MED19: variants seen among roughly 807,000 people sequenced by gnomAD.
MED19 encodes mediator of RNA polymerase II transcription subunit 19.
A neutral mutation model predicts 19.9 loss-of-function variants in MED19; 4 were observed. The observed-to-expected ratio is 0.20, with a 90% confidence interval of 0.10 to 0.46. The LOEUF (loss-of-function observed/expected upper bound fraction) is 0.46. Ranked by LOEUF, MED19 falls within the 20% of genes least tolerant of loss-of-function variation. The pLI, the probability that MED19 is intolerant of heterozygous loss-of-function variation, is 0.99. For synonymous variants in MED19, 139 were observed against 119.6 expected, an observed-to-expected ratio of 1.16 and a Z score of -1.06; for missense variants, 303 against 318.7, an observed-to-expected ratio of 0.95 and a Z score of 0.38.
chr11:57,703,980 TA>T, exon 5 of MED19: 1 of 1,530,208 alleles, frequency 6.5e-7, no homozygotes, highest in Non-Finnish European at 8.7e-7. Flanking sequence ...AGGCAGCTTT[TA>T]TCAGCAGGTT....
chr11:57,710,311 A>ATGAT (rs1479547234), intron 1 of MED19, among the ~76,000 whole-genome samples: 1 of 152,220 alleles, frequency 6.6e-6, no homozygotes, highest in Non-Finnish European at 1.5e-5. Context: ...ACAGTGAGCT[A>ATGAT]TGATTATACC....
exon 3 of MED19, chr11:57,704,789 A>G: frequency 6.2e-7 from 1 of 1,609,136 alleles, no homozygotes; most frequent in Non-Finnish European, 8.5e-7. Context: ...GAGGCTGAAT[A>G]TGCATCAGAC....
intron 1 of MED19, among the ~76,000 whole-genome samples, chr11:57,710,796 A>G (rs1946568520): frequency 6.6e-6 from 1 of 152,002 alleles, no homozygotes; most frequent in Non-Finnish European, 1.5e-5. Context: ...CCTGTGTTCA[A>G]GCGATTCTCC....
At chr11:57,707,502 A>T (rs907674857) in intron 1 of MED19, among the ~76,000 whole-genome samples, 6 of 152,220 alleles carry the variant, frequency 3.9e-5, no homozygotes, top group Non-Finnish European at 8.8e-5. Context: ...CAGTACACAC[A>T]TTAGGTGCTT....
At chr11:57,704,747 C>T (rs755413585) in exon 3 of MED19, 2 of 1,554,962 alleles carry the variant, frequency 1.3e-6, no homozygotes, top group Admixed American at 1.8e-5. Flanking sequence ...GGGTACGGCT[C>T]TGTTTGTGCT....
chr11:57,711,717 G>C (rs570300680), intron 1 of MED19, among the ~76,000 whole-genome samples: 2 of 152,140 alleles, frequency 1.3e-5, no homozygotes, highest in African/African-American at 4.8e-5. Flanking sequence ...TGGTGCAAAA[G>C]ACAGTAACGG....
At chr11:57,709,380 T>TAA (rs71470285) in intron 1 of MED19, among the ~76,000 whole-genome samples, 24 of 138,242 alleles carry the variant, frequency 1.7e-4, no homozygotes, top group Admixed American at 2.9e-4. Flanking sequence ...AAACTCTGTT[T>TAA]AAAAAAAAAA....
intron 1 of MED19, 36 bp from the exon 2 acceptor site, chr11:57,705,265 C>G (rs17454895): frequency 0.012 from 19,422 of 1,604,486 alleles, 158 homozygotes; most frequent in Non-Finnish European, 0.015. Context: ...AAAGATCAGT[C>G]TTCAAAGTAG....
chr11:57,709,193 C>A (rs547397024), intron 1 of MED19, among the ~76,000 whole-genome samples: 1 of 152,204 alleles, frequency 6.6e-6, no homozygotes, highest in East Asian at 1.9e-4. Flanking sequence ...ATCTGCCTGA[C>A]CAACAGGGAG....
At chr11:57,708,934 A>T (rs2135417944) in intron 1 of MED19, among the ~76,000 whole-genome samples, 1 of 152,338 alleles carries the variant, frequency 6.6e-6, no homozygotes, top group South Asian at 2.1e-4. Context: ...TAAAATGTAG[A>T]CAGTAATGCT....
In MED19 at chr11:57,705,140, C is replaced by A; in HGVS notation, c.307G>T (p.Glu103Ter). ...TCAGGCAGGAAGTTACTTAGCTTCTCCTTCACCTTCTTCCCACAGAATTTA... is the reference window on the plus strand; with the variant it reads ...TCAGGCAGGAAGTTACTTAGCTTCTACTTCACCTTCTTCCCACAGAATTTA... Residue 103 changes from glutamate (E) to a stop codon, truncating the protein, a stop_gained, in exon 2 of 5, where the codon GAG (glutamate) becomes TAG (stop). Coordinates refer to ENST00000431606, the Ensembl canonical transcript of MED19. LOFTEE classifies it high-confidence loss of function. The A allele has an allele frequency of 6.2e-7, 1 of 1,614,142 alleles. No individual in the cohort carries two copies. Among genetic ancestry groups the A allele is most frequent in the South Asian group, 1.1e-5 (1 of 91,080 alleles).
At chr11:57,711,992 C>T in exon 1 of MED19, 2 of 1,501,392 alleles carry the variant, frequency 1.3e-6, no homozygotes, top group Non-Finnish European at 1.8e-6. Flanking sequence ...GTAAAAAGGG[C>T]CACAGCCAGC....
At chr11:57,709,038 T>C (rs1565204731) in intron 1 of MED19, among the ~76,000 whole-genome samples, 1 of 152,206 alleles carries the variant, frequency 6.6e-6, no homozygotes, top group Non-Finnish European at 1.5e-5. Context: ...CCAATATTTG[T>C]TGCTATTTCC....
chr11:57,710,492 A>T (rs1198117393), intron 1 of MED19, among the ~76,000 whole-genome samples: 1 of 152,030 alleles, frequency 6.6e-6, no homozygotes, highest in African/African-American at 2.4e-5. Flanking sequence ...TGTTCACTTC[A>T]CTGGAGTCCA....
intron 1 of MED19, among the ~76,000 whole-genome samples, chr11:57,707,680 C>T (rs1433885774): frequency 6.6e-6 from 1 of 152,186 alleles, no homozygotes; most frequent in Admixed American, 6.5e-5. Context: ...CTGCCTCTTG[C>T]CATTACAATC....
intron 1 of MED19, among the ~76,000 whole-genome samples, chr11:57,706,209 A>G (rs1226183537): frequency 6.6e-6 from 1 of 152,038 alleles, no homozygotes; most frequent in East Asian, 1.9e-4. Context: ...GCAGTGGGGT[A>G]CGATCTTGGC....
chr11:57,712,107 G>A lies in MED19; in HGVS notation c.73C>T (p.Pro25Ser), dbSNP rs751694330. The change falls in exon 1 of 5, where the codon CCA becomes TCA. Residue 25 changes from proline (P) to serine (S), a missense_variant. Pro to Ser is a moderately conservative substitution (Grantham distance 74). Transcript: ENST00000431606. Reference sequence around the variant, plus strand: ...GGTGGCGGGGGTGGAGGCTTTCCTGGTCCGAAGCCGAGTGCGGTTGGGGGC... The same window carrying A: ...GGTGGCGGGGGTGGAGGCTTTCCTGATCCGAAGCCGAGTGCGGTTGGGGGC... The A allele has an allele frequency of 2.5e-5, 38 of 1,526,814 alleles. No homozygotes were observed. In the Admixed American group the frequency reaches 3.8e-4, roughly 15 times the overall value. 94.6% of individuals were successfully genotyped at this position (1,526,814 alleles called of 1,614,324 possible). A position where few individuals can be genotyped will look rare whatever the true frequency, so the allele number is the denominator to read the frequency against.
chr11:57,704,669 GTTTTTTTTTTTTTTT>G, intron 3 of MED19, 35 bp downstream of exon 3: 2 of 1,286,328 alleles, frequency 1.6e-6, no homozygotes, highest in East Asian at 2.7e-5. Flanking sequence ...AGAAGGTCAG[GTTTTTTTTTTTTTTT>G]TTTTTTTTTT....
Position 57,704,171 on chromosome 11 carries a change from A to G in MED19, c.667-65T>C, listed in dbSNP as rs1355618219. The G allele has an allele frequency of 2.6e-6, 4 of 1,530,820 alleles. No individual in the cohort carries two copies. In the South Asian group the frequency reaches 3.6e-5, roughly 14 times the overall value. The allele number at this position is 1,530,820 out of a possible 1,614,324, so 94.8% of individuals were successfully genotyped here. A position where few individuals can be genotyped will look rare whatever the true frequency, so the allele number is the denominator to read the frequency against. ...AGCCTTGGCTTTGATCAGGCTGTACAGGAGAAACCTGCAACCTGCCTTGGG... is the reference window on the plus strand; with the variant it reads ...AGCCTTGGCTTTGATCAGGCTGTACGGGAGAAACCTGCAACCTGCCTTGGG... On this transcript the variant is annotated intron_variant, in intron 4 of 4. Transcript: ENST00000431606.
Sources: allele counts gnomAD v4.1 joint callset (sites outside exome capture counted in the v4.1 genomes callset), GRCh38; gene constraint gnomAD v4.1.1; transcripts MANE v1.5; gene names NCBI Gene and HGNC (gene_info 2026-07-23, HGNC 2026-07-21).